Variants in IL7 observed in about 807,000 individuals in gnomAD.
The protein encoded by IL7 is interleukin 7, also known as interleukin-7.
IL7 carries 3 observed loss-of-function variants against 21.6 expected under a neutral mutation model. The ratio of observed to expected loss-of-function variants is 0.14; its 90% CI spans 0.06 to 0.36. The LOEUF (loss-of-function observed/expected upper bound fraction) is 0.36. Ranked by LOEUF, IL7 falls within the 10% of genes least tolerant of loss-of-function variation. IL7 has a pLI of 1.00. For synonymous variants in IL7, 62 were observed against 68.1 expected (o/e 0.91, Z 0.44); for missense variants, 175 against 200.2 (o/e 0.87, Z 0.76).
At chr8:78,729,232 T>A (rs868555117), downstream of IL7, among the ~76,000 whole-genome samples, 11 of 152,142 alleles carry the variant, frequency 7.2e-5, no homozygotes, top group Middle Eastern at 6.8e-3. Context: ...GTTCTCCCCA[T>A]GGAACTTTTT....
chr8:78,773,447 G>C (rs1029501543), intron 2 of IL7, among the ~76,000 whole-genome samples: 2 of 152,116 alleles, frequency 1.3e-5, no homozygotes, highest in Non-Finnish European at 2.9e-5. Flanking sequence ...GGGAAGATTT[G>C]TGGAGCAAGA....
chr8:78,739,082 C>T (rs1280455597), intron 3 of IL7, among the ~76,000 whole-genome samples: 1 of 151,814 alleles, frequency 6.6e-6, no homozygotes, highest in Admixed American at 6.6e-5. Context: ...ACTGTAGTCA[C>T]CTAAAACATA....
chr8:78,715,460 A>G (rs1052030623), downstream of IL7: 12 of 756,502 alleles, frequency 1.6e-5, no homozygotes, highest in East Asian at 3.5e-4. Context: ...TCTGGCTTTT[A>G]AGTTGTACAC....
chr8:78,722,616 C>G (rs1360336481), intron 3 of IL7, among the ~76,000 whole-genome samples: 4 of 151,940 alleles, frequency 2.6e-5, no homozygotes, highest in Admixed American at 2.0e-4. Flanking sequence ...CATCTGTCCC[C>G]TTTCATAGCC....
intron 3 of IL7, among the ~76,000 whole-genome samples, chr8:78,708,713 T>C (rs1275836094): frequency 6.7e-6 from 1 of 150,350 alleles, no homozygotes; most frequent in Non-Finnish European, 1.5e-5. Context: ...GGAGTTTTGC[T>C]CTTGTTGCCC....
At chr8:78,736,353 A>G (rs1340714579) in intron 5 of IL7, 121 bp downstream of exon 5, 3 of 565,188 alleles carry the variant, frequency 5.3e-6, no homozygotes, top group Non-Finnish European at 9.0e-6. Context: ...CCTTTTATCA[A>G]TGTTATAATA....
chr8:78,740,805 A>G (rs535371004), intron 2 of IL7, among the ~76,000 whole-genome samples: 1 of 152,314 alleles, frequency 6.6e-6, no homozygotes, highest in African/African-American at 2.4e-5. Flanking sequence ...TTCCTGAGAC[A>G]GTGTAATTAT....
chr8:78,705,782 G>A (rs1810754305), intron 3 of IL7, among the ~76,000 whole-genome samples: 1 of 152,298 alleles, frequency 6.6e-6, no homozygotes, highest in Non-Finnish European at 1.5e-5. Flanking sequence ...TGCAGGGCTG[G>A]CTGGAGGTCC....
rs187847914 is a variant in IL7, at chr8:78,751,053, A to G, written c.148-10971T>C. 2.4e-3 allele frequency among the ~76,000 whole-genome samples: 361 copies of G among 151,734 alleles called. 2 individuals are homozygous for G. The highest frequency in any genetic ancestry group is 8.1e-3 in the African/African-American group (336 of 41,410). On this transcript the variant is annotated intron_variant, in intron 2 of 5. Coordinates refer to ENST00000263851, the MANE Select transcript of IL7 (RefSeq NM_000880.4). ...GGAAAGAATCTTGGAGTCTAATGATAGGACAACAGAAACTTCCAAAACTGA... is the reference window on the plus strand; with the variant it reads ...GGAAAGAATCTTGGAGTCTAATGATGGGACAACAGAAACTTCCAAAACTGA...
chr8:78,721,654 A>G (rs1331879208), intron 3 of IL7, among the ~76,000 whole-genome samples: 1 of 152,040 alleles, frequency 6.6e-6, no homozygotes, highest in Non-Finnish European at 1.5e-5. Context: ...TCATCAAATC[A>G]GCAATCTTAA....
intron 3 of IL7, among the ~76,000 whole-genome samples, chr8:78,709,885 C>G (rs1481344033): frequency 1.3e-5 from 2 of 152,086 alleles, no homozygotes; most frequent in African/African-American, 4.8e-5. Flanking sequence ...AAAATACCAT[C>G]CGGTAAATTC....
At chr8:78,792,165 G>C (rs2583760) in intron 2 of IL7, among the ~76,000 whole-genome samples, 2 of 151,958 alleles carry the variant, frequency 1.3e-5, no homozygotes, top group Non-Finnish European at 2.9e-5. Context: ...TTCAACAAGG[G>C]TGTCCAGACA....
At chr8:78,682,435 C>T (rs577790210) in intron 4 of IL7, among the ~76,000 whole-genome samples, 32 of 152,230 alleles carry the variant, frequency 2.1e-4, no homozygotes, top group African/African-American at 7.2e-4. Flanking sequence ...GAAGAAGGAA[C>T]AAAGTCACAT....
intron 2 of IL7, chr8:78,746,990 C>T (rs1056580048): frequency 4.2e-5 from 19 of 455,924 alleles, no homozygotes; most frequent in African/African-American, 3.8e-4. Flanking sequence ...CACAGTTACT[C>T]TTCATGGTCA....
chr8:78,760,424 A>G, intron 2 of IL7: 1 of 1,595,576 alleles, frequency 6.3e-7, no homozygotes. Context: ...GATGTCAGGC[A>G]GTTGGAGGGC....
rs144033665 is a variant in IL7, at chr8:78,794,836, C to T, written c.147+3236G>A. Among the ~76,000 whole-genome samples, 788 of 152,198 alleles carry T rather than the reference C, an allele frequency of 5.2e-3. 10 individuals carry two copies. Among genetic ancestry groups the T allele is most frequent in the African/African-American group, 0.018 (761 of 41,546 alleles). On this transcript the variant is annotated intron_variant, in intron 2 of 5. Transcript: ENST00000263851. ...TTATTCACCACCAATCTTTAACACT[C>T]ACCAAAATGTAAGCTTCTTGAAAAA...
intron 2 of IL7, among the ~76,000 whole-genome samples, chr8:78,791,397 C>T (rs531868252): frequency 3.3e-5 from 5 of 152,180 alleles, no homozygotes; most frequent in South Asian, 2.1e-4. Flanking sequence ...CCCAGCACTT[C>T]GAGAGGCTGA....
At chr8:78,706,124 A>T (rs1234701750) in intron 3 of IL7, among the ~76,000 whole-genome samples, 1 of 152,142 alleles carries the variant, frequency 6.6e-6, no homozygotes, top group Non-Finnish European at 1.5e-5. Context: ...GAGTCACCCA[A>T]ACAGCAAAGA....
chr8:78,678,827 C>T, intron 4 of IL7: 1 of 474,150 alleles, frequency 2.1e-6, no homozygotes, highest in Non-Finnish European at 3.5e-6. Context: ...GTTATATGTT[C>T]AGTTTAGAAA....
Sources: allele counts gnomAD v4.1 joint callset (sites outside exome capture counted in the v4.1 genomes callset), GRCh38; gene constraint gnomAD v4.1.1; transcripts MANE v1.5; gene names NCBI Gene and HGNC (gene_info 2026-07-23, HGNC 2026-07-21).